NCAM1: variants seen among roughly 807,000 people sequenced by gnomAD.
The protein encoded by NCAM1 is antigen recognized by monoclonal antibody 5.1H11.
In NCAM1, 14 loss-of-function variants were observed where a neutral mutation model predicts 109.8. The observed-to-expected ratio is 0.13, with a 90% confidence interval of 0.08 to 0.20. NCAM1 has a LOEUF of 0.20. Among genes scored for constraint, NCAM1 ranks in the 10% least tolerant of loss-of-function variants. NCAM1 has a pLI of 1.00. For missense variants in NCAM1, 774 were observed against 1,109.9 expected, an observed-to-expected ratio of 0.70 and a Z score of 4.30; for synonymous variants, 418 against 442.9, an observed-to-expected ratio of 0.94 and a Z score of 0.70.
chr11:112,961,668 C>T lies in NCAM1; in HGVS notation c.52+4C>T. On this transcript the variant is annotated splice_donor_region_variant and intron_variant, in intron 1 of 19. Coordinates refer to ENST00000316851, the MANE Select transcript of NCAM1 (RefSeq NM_181351.5). The stretch of plus-strand genomic sequence containing the variant: ...TTGTTTTTCCTGGGAACTGCAGGTA[C>T]ATTTTTTTTTTTTTTAATTCTCAAT... The T allele has an allele frequency of 7.1e-7, 1 of 1,406,198 alleles. No homozygotes were observed. Among genetic ancestry groups the T allele is most frequent in the Non-Finnish European group, 9.9e-7 (1 of 1,011,360 alleles). The allele number at this position is 1,406,198 out of a possible 1,614,324, so 87.1% of individuals were successfully genotyped here.
At chr11:113,272,171 G>A (rs1946297137) in intron 19 of NCAM1, among the ~76,000 whole-genome samples, 1 of 152,100 alleles carries the variant, frequency 6.6e-6, no homozygotes, top group Non-Finnish European at 1.5e-5. Flanking sequence ...GGCTTAAGGT[G>A]GCAAAATCTC....
intron 1 of NCAM1, among the ~76,000 whole-genome samples, chr11:112,986,183 C>T (rs967963013): frequency 6.6e-6 from 1 of 151,804 alleles, no homozygotes; most frequent in Admixed American, 6.6e-5. Flanking sequence ...TGGTTTTTGT[C>T]CTTCATTCTT....
intron 1 of NCAM1, among the ~76,000 whole-genome samples, chr11:113,089,081 G>A (rs1441064867): frequency 6.6e-6 from 1 of 152,126 alleles, no homozygotes; most frequent in Non-Finnish European, 1.5e-5. Flanking sequence ...TTAGGAGGCC[G>A]AGGTGGGCAG....
chr11:113,138,497 C>A (rs1225826083), intron 1 of NCAM1, among the ~76,000 whole-genome samples: 2 of 152,216 alleles, frequency 1.3e-5, no homozygotes, highest in Non-Finnish European at 2.9e-5. Context: ...TTAGCAGGAA[C>A]TGCCAGAGAA....
chr11:113,167,729 T>C (rs1177209921), intron 1 of NCAM1, among the ~76,000 whole-genome samples: 1 of 152,170 alleles, frequency 6.6e-6, no homozygotes. Flanking sequence ...ATTCTCATCA[T>C]GTGGTTCACA....
chr11:113,179,702 C>T (rs996751692), intron 1 of NCAM1, among the ~76,000 whole-genome samples: 1 of 152,344 alleles, frequency 6.6e-6, no homozygotes, highest in African/African-American at 2.4e-5. Context: ...TATAGACAAT[C>T]ACCAAAAGAT....
At chr11:113,064,553 A>G (rs1454809606) in intron 1 of NCAM1, among the ~76,000 whole-genome samples, 3 of 152,066 alleles carry the variant, frequency 2.0e-5, no homozygotes, top group African/African-American at 7.2e-5. Flanking sequence ...TGCATGTTAG[A>G]TTCTGTTTTA....
intron 14 of NCAM1, among the ~76,000 whole-genome samples, chr11:113,242,098 TC>T (rs1448207089): frequency 6.6e-6 from 1 of 152,202 alleles, no homozygotes; most frequent in Non-Finnish European, 1.5e-5. Flanking sequence ...TCCCCAAGTC[TC>T]AGATTTCTTA....
chr11:113,162,367 C>T (rs1198595153), intron 1 of NCAM1, among the ~76,000 whole-genome samples: 31 of 152,064 alleles, frequency 2.0e-4, no homozygotes, highest in African/African-American at 6.8e-4. Flanking sequence ...GTGCCTGCTG[C>T]AGTGTAGGAG....
chr11:113,000,516 G>A (rs1394914447), intron 1 of NCAM1, among the ~76,000 whole-genome samples: 1 of 152,118 alleles, frequency 6.6e-6, no homozygotes, highest in Admixed American at 6.5e-5. Flanking sequence ...AGGACAGGAA[G>A]TACGGATAAC....
chr11:113,073,382 G>C (rs564647101), intron 1 of NCAM1, among the ~76,000 whole-genome samples: 21 of 152,324 alleles, frequency 1.4e-4, no homozygotes, highest in African/African-American at 3.8e-4. Context: ...GTAAGAAAGA[G>C]AGAGCTATGT....
intron 1 of NCAM1, among the ~76,000 whole-genome samples, chr11:113,156,731 G>A (rs1555103485): frequency 2.0e-5 from 3 of 152,160 alleles, no homozygotes; most frequent in African/African-American, 7.2e-5. Flanking sequence ...CTACTTGTTG[G>A]ATTAAGCTGT....
At position 113,276,839 on chromosome 11, in the gene NCAM1, G is replaced by C. The variant is rs1406397920; in HGVS notation, c.*1452G>C. ...AGAAACTTTAAGGGGGATGGGAGGG[G>C]GGGGAGAAGGGAAAAGCCAGCCCTT... is the stretch of plus-strand genomic sequence containing the variant. On this transcript the variant is annotated 3_prime_UTR_variant, in exon 20 of 20. Coordinates refer to ENST00000316851, the MANE Select transcript of NCAM1 (RefSeq NM_181351.5). 6.6e-6 allele frequency: 1 copy of C among 151,530 alleles called. No individual in the cohort carries two copies. Among genetic ancestry groups the C allele is most frequent in the South Asian group, 2.1e-4 (1 of 4,748 alleles). The allele number at this position is 151,530 out of a possible 1,614,324, so 9.4% of individuals were successfully genotyped here.
At chr11:113,010,963 A>AT (rs201572519) in intron 1 of NCAM1, among the ~76,000 whole-genome samples, 24 of 149,944 alleles carry the variant, frequency 1.6e-4, no homozygotes, top group South Asian at 1.1e-3. Flanking sequence ...TTGGGGTAGG[A>AT]TTTTTTTTTT....
At position 112,962,682 on chromosome 11, in the gene NCAM1, G is replaced by A. The variant is rs1315500056; in HGVS notation, c.52+1018G>A. Reference sequence around the variant, plus strand: ...GAACCTCGGCAGTGTGCAGGGAGGTGCATTTCATTTTGGCTATTTCCATCC... The same window carrying A: ...GAACCTCGGCAGTGTGCAGGGAGGTACATTTCATTTTGGCTATTTCCATCC... On this transcript the variant is annotated intron_variant, in intron 1 of 19. Transcript: ENST00000316851. The surrounding 1 kb of genome is among the most constrained non-coding windows in gnomAD (Gnocchi z 5.6). Among the ~76,000 whole-genome samples, 7 of 151,984 alleles carry A rather than the reference G, an allele frequency of 4.6e-5. No individual in the cohort carries two copies. In the East Asian group the frequency reaches 1.4e-3, roughly 30 times the overall value.
At chr11:113,138,613 C>G (rs1225960790) in intron 1 of NCAM1, among the ~76,000 whole-genome samples, 2 of 152,190 alleles carry the variant, frequency 1.3e-5, no homozygotes, top group Admixed American at 1.3e-4. Flanking sequence ...ATGATCTGGG[C>G]TCTTTTTACA....
chr11:113,053,543 T>C (rs2135422110), intron 1 of NCAM1, among the ~76,000 whole-genome samples: 1 of 152,352 alleles, frequency 6.6e-6, no homozygotes, highest in South Asian at 2.1e-4. Flanking sequence ...AAAGCATTCC[T>C]ATTTCTCTGC....
At chr11:113,139,431 CAA>C (rs1385455559) in intron 1 of NCAM1, among the ~76,000 whole-genome samples, 1 of 151,002 alleles carries the variant, frequency 6.6e-6, no homozygotes, top group Admixed American at 6.6e-5. Flanking sequence ...TTTTTTTTAA[CAA>C]AATCTAATTT....
At chr11:113,157,175 C>G (rs1942442304) in intron 1 of NCAM1, among the ~76,000 whole-genome samples, 1 of 142,716 alleles carries the variant, frequency 7.0e-6, no homozygotes, top group Admixed American at 6.9e-5. Flanking sequence ...AGAGTAAGAA[C>G]CCTGGCATGT....
Sources: gnomAD v4.1 joint callset for allele counts (sites outside exome capture counted in the v4.1 genomes callset) on GRCh38, gnomAD v4.1.1 for gene constraint, Gnocchi (gnomAD v3.1) non-coding constraint, MANE v1.5 for transcripts, NCBI Gene and HGNC (gene_info 2026-07-23, HGNC 2026-07-21) for gene names.